The following TRMT11 variants were observed in gnomAD, a reference collection of about 807,000 sequenced individuals.
The protein encoded by TRMT11 is tRNA (guanine(10)-N(2))-methyltransferase TRMT11.
Under a neutral mutation model 62.8 loss-of-function variants are expected in TRMT11, and 53 were observed. The observed-to-expected ratio is 0.84, with a 90% CI of 0.68 to 1.06. The LOEUF is 1.06. Among genes scored for constraint, TRMT11 ranks in the 50% least tolerant of loss-of-function variants. The probability of loss-of-function intolerance (pLI) is 0.00; values close to 1 mark genes in which losing one functional copy is unlikely to be tolerated. For missense variants in TRMT11, 556 were observed against 553.4 expected, an observed-to-expected ratio of 1.00 and a Z score of -0.05; for synonymous variants, 188 against 190.3, an observed-to-expected ratio of 0.99 and a Z score of 0.10.
chr6:126,224,002 G>A, the TRMT11 span, among the ~76,000 whole-genome samples: 78 of 152,172 alleles, frequency 5.1e-4, no homozygotes, highest in African/African-American at 1.8e-3. Context: ...CACCATTTTG[G>A]TTCTTTCTTA....
chr6:126,188,717 AGC>A (rs1182789745), intron 1 of TRMT11, among the ~76,000 whole-genome samples: 1 of 152,152 alleles, frequency 6.6e-6, no homozygotes, highest in African/African-American at 2.4e-5. Context: ...TGCAAATTAA[AGC>A]CTTGTTAAGT....
the TRMT11 span, among the ~76,000 whole-genome samples, chr6:126,227,823 AG>A: frequency 6.6e-6 from 1 of 152,168 alleles, no homozygotes; most frequent in African/African-American, 2.4e-5. Flanking sequence ...GACTCTGCAA[AG>A]CCCCCTTGGA....
At chr6:126,127,767 G>A (rs1043130649) in intron 21 of TRMT11, among the ~76,000 whole-genome samples, 1 of 151,082 alleles carries the variant, frequency 6.6e-6, no homozygotes, top group African/African-American at 2.4e-5. Context: ...TGCTGAACGC[G>A]CCCGATCTCG....
chr6:126,018,240 C>T (rs1355742056), intron 11 of TRMT11, among the ~76,000 whole-genome samples: 1 of 151,996 alleles, frequency 6.6e-6, no homozygotes, highest in African/African-American at 2.4e-5. Flanking sequence ...TTTGCAGTGC[C>T]TATAATGAGT....
At chr6:126,242,911 C>A in the TRMT11 span, among the ~76,000 whole-genome samples, 3 of 151,958 alleles carry the variant, frequency 2.0e-5, no homozygotes, top group African/African-American at 7.3e-5. Flanking sequence ...AAGCAATGGC[C>A]ACAAAAGCCA....
chr6:126,181,553 G>C (rs906343544), intron 1 of TRMT11, among the ~76,000 whole-genome samples: 1 of 152,114 alleles, frequency 6.6e-6, no homozygotes, highest in African/African-American at 2.4e-5. Flanking sequence ...TTGTGGGTTG[G>C]ACCAAGGAGC....
At chr6:126,126,303 ATT>A (rs951752619) in intron 21 of TRMT11, among the ~76,000 whole-genome samples, 1 of 152,152 alleles carries the variant, frequency 6.6e-6, no homozygotes, top group Non-Finnish European at 1.5e-5. Context: ...TCATATACAC[ATT>A]TAGTCATAGA....
At chr6:126,069,053 A>G (rs188716062) in intron 17 of TRMT11, among the ~76,000 whole-genome samples, 9 of 152,320 alleles carry the variant, frequency 5.9e-5, no homozygotes, top group Admixed American at 2.0e-4. Context: ...AGGAAATCCA[A>G]TCATTTTGGT....
At chr6:126,047,577 G>T (rs1776095056) in intron 16 of TRMT11, among the ~76,000 whole-genome samples, 1 of 152,094 alleles carries the variant, frequency 6.6e-6, no homozygotes, top group South Asian at 2.1e-4. Flanking sequence ...AAGGACCCGG[G>T]TATCAAGAGG....
intron 16 of TRMT11, among the ~76,000 whole-genome samples, chr6:126,046,839 GA>G (rs548696157): frequency 3.4e-4 from 52 of 152,262 alleles, no homozygotes; most frequent in African/African-American, 1.2e-3. Flanking sequence ...ATATATAGCA[GA>G]AAAATGACAT....
intron 21 of TRMT11, among the ~76,000 whole-genome samples, chr6:126,164,261 A>G (rs1001856805): frequency 2.6e-5 from 4 of 152,216 alleles, no homozygotes; most frequent in African/African-American, 9.7e-5. Flanking sequence ...CAGGTTGTTC[A>G]GTTTCCATGT....
At chr6:126,255,916 A>C in the TRMT11 span, among the ~76,000 whole-genome samples, 29,861 of 152,138 alleles carry the variant, frequency 0.2, 3,541 homozygotes, top group East Asian at 0.53. Context: ...CTTAGAGGCT[A>C]AAAGAACTGA....
chr6:126,093,522 G>A (rs1777297864), intron 17 of TRMT11, among the ~76,000 whole-genome samples: 1 of 142,210 alleles, frequency 7.0e-6, no homozygotes, highest in Admixed American at 7.2e-5. Context: ...AAACTGGGGT[G>A]ATGCTGCTTC....
chr6:126,225,117 C>A, the TRMT11 span, among the ~76,000 whole-genome samples: 2 of 152,102 alleles, frequency 1.3e-5, no homozygotes, highest in African/African-American at 4.8e-5. Context: ...CCAAAGCTAC[C>A]CCAAAGGAGC....
At position 126,184,021 on chromosome 6, in the gene TRMT11, A is replaced by G. The variant is rs542749232; in HGVS notation, n.143+6686A>G. On this transcript the variant is annotated intron_variant and non_coding_transcript_variant, in intron 1 of 3. Transcript: ENST00000444229. ...CATTTTGGTCTTGAAAATGACTAAT[A>G]ATAATAGATTATATTTATTAATGCC... Among the ~76,000 whole-genome samples the G allele has an allele frequency of 2.0e-5, 3 of 152,250 alleles. No homozygotes were observed. In the South Asian group the frequency reaches 6.2e-4, roughly 32 times the overall value.
At chr6:126,180,979 C>T (rs900032178) in intron 1 of TRMT11, among the ~76,000 whole-genome samples, 6 of 152,104 alleles carry the variant, frequency 3.9e-5, no homozygotes, top group Non-Finnish European at 5.9e-5. Context: ...TTTATATTTA[C>T]GTAATAAGTA....
chr6:126,142,876 G>A (rs900590165), intron 21 of TRMT11, among the ~76,000 whole-genome samples: 3 of 152,114 alleles, frequency 2.0e-5, no homozygotes, highest in Admixed American at 2.0e-4. Context: ...CTAAACTGTA[G>A]AATGAGAAGA....
chr6:126,059,816 A>G (rs1468095933), intron 17 of TRMT11, among the ~76,000 whole-genome samples: 7 of 152,188 alleles, frequency 4.6e-5, no homozygotes, highest in Admixed American at 4.6e-4. Context: ...ACGTTTCTCT[A>G]GGATAAAGAC....
intron 21 of TRMT11, among the ~76,000 whole-genome samples, chr6:126,126,550 T>C (rs1248330006): frequency 6.6e-6 from 1 of 152,140 alleles, no homozygotes; most frequent in Admixed American, 6.6e-5. Context: ...TTGATCCAGT[T>C]TCCACACAGT....
Sources: gnomAD v4.1 joint callset for allele counts (sites outside exome capture counted in the v4.1 genomes callset) on GRCh38, gnomAD v4.1.1 for gene constraint, MANE v1.5 for transcripts, NCBI Gene and HGNC (gene_info 2026-07-23, HGNC 2026-07-21) for gene names.